NHSL1: variants seen among roughly 807,000 people sequenced by gnomAD.
NHSL1 encodes NHS like 1.
In NHSL1, 48 loss-of-function variants were observed where a neutral mutation model predicts 95.0. That is an observed-to-expected ratio of 0.51 (90% confidence interval 0.40 to 0.64). The LOEUF is 0.64. NHSL1 is among the 30% of genes least tolerant of loss of function. The pLI, the probability that NHSL1 is intolerant of heterozygous loss-of-function variation, is 0.00. For synonymous variants in NHSL1, 783 were observed against 833.9 expected (o/e 0.94, Z 1.05); for missense variants, 1,971 against 2,077.7 (o/e 0.95, Z 1.00).
chr6:138,634,571 C>A (rs1784863874), intron 1 of NHSL1, among the ~76,000 whole-genome samples: 1 of 152,022 alleles, frequency 6.6e-6, no homozygotes, highest in African/African-American at 2.4e-5. Flanking sequence ...ATTATTTGAG[C>A]TAAAAAGGGA....
chr6:138,626,298 A>C (rs1021376320), intron 1 of NHSL1, among the ~76,000 whole-genome samples: 2 of 152,218 alleles, frequency 1.3e-5, no homozygotes, highest in African/African-American at 4.8e-5. Context: ...TTTAGGTAGA[A>C]TGTTAATACA....
intron 1 of NHSL1, among the ~76,000 whole-genome samples, chr6:138,684,463 T>C (rs1290824090): frequency 1.3e-5 from 2 of 151,972 alleles, no homozygotes; most frequent in Admixed American, 6.6e-5. Context: ...CTGGCCAACA[T>C]GGCAAAACCC....
intron 1 of NHSL1, among the ~76,000 whole-genome samples, chr6:138,511,214 T>C (rs1239960926): frequency 6.6e-6 from 1 of 152,196 alleles, no homozygotes; most frequent in African/African-American, 2.4e-5. Flanking sequence ...TAAAATCATA[T>C]TTGGAAGGAC....
chr6:138,630,112 G>A (rs1407912098), intron 1 of NHSL1, among the ~76,000 whole-genome samples: 1 of 152,112 alleles, frequency 6.6e-6, no homozygotes, highest in Non-Finnish European at 1.5e-5. Flanking sequence ...CTACTTGGGA[G>A]GCTGAGGTGG....
chr6:138,529,515 A>C (rs1413108018), intron 1 of NHSL1, among the ~76,000 whole-genome samples: 5 of 152,236 alleles, frequency 3.3e-5, no homozygotes, highest in African/African-American at 1.2e-4. Context: ...ATTATCTCAC[A>C]GTTCTGCAGG....
At chr6:138,557,020 C>T (rs901819124) in intron 1 of NHSL1, among the ~76,000 whole-genome samples, 1 of 152,102 alleles carries the variant, frequency 6.6e-6, no homozygotes, top group Non-Finnish European at 1.5e-5. Context: ...AGCATACTTG[C>T]TTAGTAAGTG....
chr6:138,455,085 G>C (rs1252370282), intron 3 of NHSL1, among the ~76,000 whole-genome samples: 1 of 152,232 alleles, frequency 6.6e-6, no homozygotes, highest in Non-Finnish European at 1.5e-5. Flanking sequence ...GGGAATGACA[G>C]ACCCCAATTT....
intron 1 of NHSL1, among the ~76,000 whole-genome samples, chr6:138,510,855 T>C (rs1376334980): frequency 9.2e-5 from 14 of 152,218 alleles, no homozygotes; most frequent in African/African-American, 2.9e-4. Flanking sequence ...GTTTAGTATC[T>C]CTAAATTCTA....
At chr6:138,575,312 C>T (rs1208865676), upstream of NHSL1, among the ~76,000 whole-genome samples, 3 of 152,146 alleles carry the variant, frequency 2.0e-5, no homozygotes, top group African/African-American at 7.2e-5. Flanking sequence ...TAGTAACTGG[C>T]GTGTTTTCCT....
chr6:138,629,679 G>A (rs569052226), intron 1 of NHSL1, among the ~76,000 whole-genome samples: 5 of 152,294 alleles, frequency 3.3e-5, no homozygotes, highest in East Asian at 3.9e-4. Context: ...CACCACGCCC[G>A]GCCTTACATC....
chr6:138,683,885 C>T (rs1026019801), intron 1 of NHSL1, among the ~76,000 whole-genome samples: 1 of 152,232 alleles, frequency 6.6e-6, no homozygotes. Context: ...CAATGTCCAG[C>T]ATTCGTCGAC....
At chr6:138,489,471 G>C (rs1779902040) in intron 2 of NHSL1, among the ~76,000 whole-genome samples, 1 of 152,110 alleles carries the variant, frequency 6.6e-6, no homozygotes, top group Non-Finnish European at 1.5e-5. Flanking sequence ...ACTTCTGTTA[G>C]AAAACAGGAA....
In NHSL1 at chr6:138,432,967, C is replaced by T. The variant is rs1314081124; in HGVS notation, c.1378G>A (p.Val460Met). The T allele has an allele frequency of 6.4e-7, 1 of 1,551,308 alleles. No homozygotes were observed. Among genetic ancestry groups the T allele is most frequent in the African/African-American group, 1.4e-5 (1 of 73,020 alleles). ...SRDHLISRHA[V>M]KGDPQSPGRH... The stretch of plus-strand genomic sequence containing the variant: ...CCGGGAGACTGAGGATCACCTTTCA[C>T]AGCATGCCTGGAGATGAGGTGGTCT... Residue 460 changes from valine (V) to methionine (M), a missense_variant, in exon 6 of 8, where the codon GTG (valine) becomes ATG (methionine). By Grantham distance (21) the Val-to-Met change is conservative. Around this residue, in one of 3 missense-constraint regions of NHSL1, gnomAD observed 1,602 missense variants for 1,654.5 expected, o/e 0.97. Transcript: ENST00000343505. The surrounding 1 kb of genome is among the most constrained non-coding windows in gnomAD (Gnocchi z 4.4).
chr6:138,458,841 A>C (rs1220413488), intron 3 of NHSL1, among the ~76,000 whole-genome samples: 145 of 141,182 alleles, frequency 1.0e-3, no homozygotes, highest in East Asian at 2.2e-3. Context: ...AAAAAAAAAA[A>C]CAAAAAAAAA....
chr6:138,563,203 T>C (rs1465649537), intron 1 of NHSL1, among the ~76,000 whole-genome samples: 1 of 152,254 alleles, frequency 6.6e-6, no homozygotes, highest in African/African-American at 2.4e-5. Context: ...CAGACTATGT[T>C]TATTAAATGA....
intron 7 of NHSL1, among the ~76,000 whole-genome samples, chr6:138,426,792 A>G (rs1562252196): frequency 1.3e-5 from 2 of 152,022 alleles, no homozygotes; most frequent in East Asian, 3.9e-4. Flanking sequence ...AGGGCACCAG[A>G]CTCTTTGGGA....
chr6:138,619,935 G>A (rs1408773482), intron 1 of NHSL1, among the ~76,000 whole-genome samples: 9 of 102,546 alleles, frequency 8.8e-5, no homozygotes, highest in East Asian at 3.0e-4. Context: ...GCAACAGAGC[G>A]AAACTCTATC....
At chr6:138,595,500 C>G (rs1451027981) in intron 1 of NHSL1, among the ~76,000 whole-genome samples, 1 of 152,162 alleles carries the variant, frequency 6.6e-6, no homozygotes, top group African/African-American at 2.4e-5. Context: ...CACTTGTGCC[C>G]CGGGAGTTCT....
chr6:138,513,426 G>C (rs999487710), intron 1 of NHSL1, among the ~76,000 whole-genome samples: 5 of 152,010 alleles, frequency 3.3e-5, no homozygotes, highest in East Asian at 1.9e-4. Context: ...ACCCAGGCTA[G>C]AGTGCAGATC....
Sources: allele counts gnomAD v4.1 joint callset (sites outside exome capture counted in the v4.1 genomes callset), GRCh38; gene constraint gnomAD v4.1.1; regional missense constraint gnomAD v4.1.1; non-coding constraint Gnocchi (gnomAD v3.1); transcripts MANE v1.5; gene names NCBI Gene and HGNC (gene_info 2026-07-23, HGNC 2026-07-21).